Variants in KIAA0408 observed in about 807,000 individuals in gnomAD.
The protein encoded by KIAA0408 is uncharacterized protein KIAA0408.
A neutral mutation model predicts 60.9 loss-of-function variants in KIAA0408; 51 were observed. The observed-to-expected ratio is 0.84, with a 90% CI of 0.67 to 1.06. The LOEUF (loss-of-function observed/expected upper bound fraction) is 1.06, where lower values mean the gene tolerates loss of function less well. KIAA0408 is among the 50% of genes least tolerant of loss of function. The probability of loss-of-function intolerance (pLI) is 0.00; values close to 1 mark genes in which losing one functional copy is unlikely to be tolerated. For missense variants in KIAA0408, 787 were observed against 833.9 expected (o/e 0.94, Z 0.69); for synonymous variants, 304 against 282.4 (o/e 1.08, Z -0.77).
chr6:127,450,770 C>G (rs936566654), intron 2 of KIAA0408: 2 of 165,180 alleles, frequency 1.2e-5, no homozygotes, highest in African/African-American at 4.8e-5. Context: ...TGTACACTAA[C>G]ATTTAACTGT....
At chr6:127,448,973 A>AT (rs1043994563) in intron 4 of KIAA0408, among the ~76,000 whole-genome samples, 2 of 152,130 alleles carry the variant, frequency 1.3e-5, no homozygotes, top group African/African-American at 2.4e-5. Flanking sequence ...TGGAAACAGC[A>AT]TTTTTTGTGG....
Position 127,440,817 on chromosome 6 carries a change from G to A in KIAA0408, c.*3292C>T, listed in dbSNP as rs1320552718. 6.6e-6 allele frequency: 1 copy of A among 152,274 alleles called. No individual in the cohort carries two copies. Among genetic ancestry groups the A allele is most frequent in the Non-Finnish European group, 1.5e-5 (1 of 68,038 alleles). The allele number at this position is 152,274 out of a possible 1,614,324, so 9.4% of individuals were successfully genotyped here. On this transcript the variant is annotated 3_prime_UTR_variant, in exon 6 of 6. Transcript: ENST00000483725. ...CTCAATTAGCAGTTAAATGGGTAGAGAGAGGATGTCAGTGTACGAGAAGCC... is the reference window on the plus strand; with the variant it reads ...CTCAATTAGCAGTTAAATGGGTAGAAAGAGGATGTCAGTGTACGAGAAGCC...
At chr6:127,448,342 C>G (rs9491791) in intron 4 of KIAA0408, among the ~76,000 whole-genome samples, 83,230 of 151,798 alleles carry the variant, frequency 0.55, 23,703 homozygotes, top group Non-Finnish European at 0.59. Flanking sequence ...ACTATGGCTA[C>G]TCGAAGGAAA....
At chr6:127,454,409 G>C (rs958387889) in intron 1 of KIAA0408, among the ~76,000 whole-genome samples, 4 of 152,066 alleles carry the variant, frequency 2.6e-5, no homozygotes, top group Non-Finnish European at 1.5e-5. Flanking sequence ...TCATGAATAA[G>C]AGTGTAAGTA....
chr6:127,454,171 C>T (rs542912478), intron 1 of KIAA0408, 70 bp from the exon 2 acceptor site: 36 of 1,245,708 alleles, frequency 2.9e-5, no homozygotes, highest in Middle Eastern at 2.9e-4. Context: ...ATCATTTTGT[C>T]GAGCCATTGA....
intron 5 of KIAA0408, among the ~76,000 whole-genome samples, chr6:127,445,106 T>C (rs954456031): frequency 2.0e-5 from 3 of 152,202 alleles, no homozygotes; most frequent in Non-Finnish European, 2.9e-5. Flanking sequence ...CTATTTCTAC[T>C]ATTTTAGCCA....
intron 2 of KIAA0408, among the ~76,000 whole-genome samples, chr6:127,453,428 A>G (rs144752552): frequency 1.3e-5 from 2 of 152,176 alleles, no homozygotes; most frequent in East Asian, 3.9e-4. Flanking sequence ...TTCCTTTAAT[A>G]GACATTACTC....
At position 127,454,106 on chromosome 6, in the gene KIAA0408, TATAAAC is replaced by T; in HGVS notation, c.-120-11_-120-6del. The T allele has an allele frequency of 1.4e-6, 2 of 1,409,708 alleles. No individual in the cohort carries two copies. The highest frequency in any genetic ancestry group is 1.8e-6 in the Non-Finnish European group (2 of 1,083,134). 87.3% of individuals were successfully genotyped at this position (1,409,708 alleles called of 1,614,324 possible). A position where few individuals can be genotyped will look rare whatever the true frequency, so the allele number is the denominator to read the frequency against. ...CACTTGCCTTTAAAATAAAGCCTAA[TATAAAC>T]ATAACAAGAGAGAGTTCCAAATCCA... On this transcript the variant is annotated splice_region_variant and splice_polypyrimidine_tract_variant and intron_variant, in intron 1 of 5. Transcript: ENST00000483725.
Position 127,442,969 on chromosome 6 carries a change from T to C in KIAA0408, c.*1140A>G, listed in dbSNP as rs1248622526. ...TTTCTATTCCTGATGCTACTGTGGA[T>C]GTCAAGGTTTAGTTTAAGCCTTTTT... On this transcript the variant is annotated 3_prime_UTR_variant, in exon 6 of 6. Coordinates refer to ENST00000483725, the MANE Select transcript of KIAA0408 (RefSeq NM_014702.5). 3 of 152,182 alleles carry C rather than the reference T, an allele frequency of 2.0e-5. No homozygotes were observed. The highest frequency in any genetic ancestry group is 7.2e-5 in the African/African-American group (3 of 41,450). 9.4% of individuals were successfully genotyped at this position (152,182 alleles called of 1,614,324 possible).
Position 127,449,887 on chromosome 6 carries a change from A to C in KIAA0408, c.513T>G (p.Leu171=). The C allele has an allele frequency of 6.2e-7, 1 of 1,614,058 alleles. No individual in the cohort carries two copies. Among genetic ancestry groups the C allele is most frequent in the Non-Finnish European group, 8.5e-7 (1 of 1,179,976 alleles). Residue 171 remains leucine (L), a synonymous_variant, in exon 4 of 6, where the codon CTT becomes CTG. Transcript: ENST00000483725. ...SGALSTALEE[L]AKVSEELCSF... ...TGCATAATTCTTCACTCACCTTCGC[A>C]AGTTCTTCAAGAGCCTTTACACATA...
At chr6:127,455,256 A>T (rs1457148120) in intron 1 of KIAA0408, among the ~76,000 whole-genome samples, 1 of 152,148 alleles carries the variant, frequency 6.6e-6, no homozygotes, top group Non-Finnish European at 1.5e-5. Context: ...CATTATCAAA[A>T]TGCTATAACT....
In KIAA0408 at chr6:127,447,528, G is replaced by A. The variant is rs1773223284; in HGVS notation, c.791C>T (p.Thr264Ile). 1.9e-6 allele frequency: 3 copies of A among 1,610,784 alleles called. No homozygotes were observed. The highest frequency in any genetic ancestry group is 2.5e-6 in the Non-Finnish European group (3 of 1,179,162). ...GCTTCTTGGAGGAGGAACTGGTGGA[G>A]TTTCATTTCTTTTTAAATCGATTGT... is the stretch of plus-strand genomic sequence containing the variant. The part of the protein sequence containing the change: ...IDTIDLKRNE[T>I]PPVPPPRSTS... Residue 264 changes from threonine (T) to isoleucine (I), a missense_variant, in exon 5 of 6, where the codon ACT (threonine) becomes ATT (isoleucine). Around this residue, in one of 3 missense-constraint regions of KIAA0408, gnomAD observed 640 missense variants for 681.3 expected, o/e 0.94. Transcript: ENST00000483725.
At position 127,443,872 on chromosome 6, in the gene KIAA0408, T is replaced by C; in HGVS notation, c.*237A>G. On this transcript the variant is annotated 3_prime_UTR_variant, in exon 6 of 6. Coordinates refer to ENST00000483725, the MANE Select transcript of KIAA0408 (RefSeq NM_014702.5). ...AACAAAGAATATACAATATTGTACA[T>C]TGTTTCAACTTATATTGTATTGGAA... The C allele has an allele frequency of 2.1e-6, 1 of 478,600 alleles. No individual in the cohort carries two copies. The highest frequency in any genetic ancestry group is 2.4e-5 in the South Asian group (1 of 42,136). 29.6% of individuals were successfully genotyped at this position (478,600 alleles called of 1,614,324 possible).
chr6:127,441,875 T>C lies in KIAA0408; in HGVS notation c.*2234A>G, dbSNP rs939308174. 1.3e-5 allele frequency: 2 copies of C among 152,222 alleles called. No homozygotes were observed. The highest frequency in any genetic ancestry group is 4.8e-5 in the African/African-American group (2 of 41,460). The allele number at this position is 152,222 out of a possible 1,614,324, so 9.4% of individuals were successfully genotyped here. On this transcript the variant is annotated 3_prime_UTR_variant, in exon 6 of 6. Coordinates refer to ENST00000483725, the MANE Select transcript of KIAA0408 (RefSeq NM_014702.5). ...TTTTTCTCAGCTCTAACTATAATTT[T>C]AGTCAACATAAGAAGACGTTAAAAT...
At position 127,439,765 on chromosome 6, in the gene KIAA0408, G is replaced by A. The variant is rs1391509714; in HGVS notation, c.*4344C>T. ...CTACTTAATTTTTCCTTCTTACTTAGAAATCACAATGCCTGCCTTGTAGTT... is the reference window on the plus strand; with the variant it reads ...CTACTTAATTTTTCCTTCTTACTTAAAAATCACAATGCCTGCCTTGTAGTT... On this transcript the variant is annotated 3_prime_UTR_variant, in exon 6 of 6. Coordinates refer to ENST00000483725, the MANE Select transcript of KIAA0408 (RefSeq NM_014702.5). 6.6e-6 allele frequency: 1 copy of A among 152,112 alleles called. No individual in the cohort carries two copies. Among genetic ancestry groups the A allele is most frequent in the Non-Finnish European group, 1.5e-5 (1 of 68,026 alleles). The allele number at this position is 152,112 out of a possible 1,614,324, so 9.4% of individuals were successfully genotyped here.
chr6:127,451,148 GCT>G (rs1260664296), intron 2 of KIAA0408: 1 of 370,438 alleles, frequency 2.7e-6, no homozygotes, highest in Non-Finnish European at 5.3e-6. Context: ...TCATGTAAAA[GCT>G]TGTCAAACTT....
Position 127,446,556 on chromosome 6 carries a change from C to T in KIAA0408, c.1763G>A (p.Trp588Ter), listed in dbSNP as rs749443832. 1.6e-5 allele frequency: 26 copies of T among 1,614,022 alleles called. No individual in the cohort carries two copies. The highest frequency in any genetic ancestry group is 2.1e-5 in the Non-Finnish European group (25 of 1,180,030). Residue 588 changes from tryptophan (W) to a stop codon, truncating the protein, a stop_gained, in exon 5 of 6, where the codon TGG (tryptophan) becomes TAG (stop). Coordinates refer to ENST00000483725, the MANE Select transcript of KIAA0408 (RefSeq NM_014702.5). LOFTEE classifies it high-confidence loss of function. ...ACTGACATCAGAATTACATTTGGTC[C>T]AATTATCCTGGAAGCACTTAGAATT... ...LQNSKCFQDN[W>*]TKCNSDVSGG...
chr6:127,456,011 T>C (rs544589164), intron 1 of KIAA0408, among the ~76,000 whole-genome samples: 2 of 152,304 alleles, frequency 1.3e-5, no homozygotes, highest in East Asian at 1.9e-4. Context: ...CAATTCTTCA[T>C]AGGAAATGCA....
rs2114798426 is a variant in KIAA0408 at position 127,450,365 on chromosome 6, C to T, written c.136-13G>A. Reference sequence around the variant, plus strand: ...CTTCCCGGCAAAGCTGTAAGAAAAACAAAACAAAATTAAAACTTCTTTTCC... The same window carrying T: ...CTTCCCGGCAAAGCTGTAAGAAAAATAAAACAAAATTAAAACTTCTTTTCC... On this transcript the variant is annotated splice_polypyrimidine_tract_variant and intron_variant, in intron 2 of 5. Transcript: ENST00000483725. The T allele has an allele frequency of 6.4e-7, 1 of 1,565,194 alleles. No individual in the cohort carries two copies. Among genetic ancestry groups the T allele is most frequent in the Non-Finnish European group, 8.6e-7 (1 of 1,164,494 alleles).
Sources: gnomAD v4.1 joint callset for allele counts (sites outside exome capture counted in the v4.1 genomes callset) on GRCh38, gnomAD v4.1.1 for gene constraint, gnomAD v4.1.1 regional missense constraint, MANE v1.5 for transcripts, NCBI Gene and HGNC (gene_info 2026-07-23, HGNC 2026-07-21) for gene names.